MAP4K4: variants seen among roughly 807,000 people sequenced by gnomAD.
The protein encoded by MAP4K4 is mitogen-activated protein kinase kinase kinase kinase 4.
MAP4K4 carries 38 observed loss-of-function variants against 189.6 expected under a neutral mutation model. That is an observed-to-expected ratio of 0.20 (90% confidence interval 0.15 to 0.26). MAP4K4 has a LOEUF of 0.26. Ranked by LOEUF, MAP4K4 falls within the 10% of genes least tolerant of loss-of-function variation. MAP4K4 has a pLI of 1.00. For missense variants in MAP4K4, 1,054 were observed against 1,726.9 expected, an observed-to-expected ratio of 0.61 and a Z score of 6.91; for synonymous variants, 610 against 624.3, an observed-to-expected ratio of 0.98 and a Z score of 0.34.
intron 28 of MAP4K4, among the ~76,000 whole-genome samples, chr2:101,884,801 A>G (rs573172679): frequency 5.9e-5 from 9 of 152,240 alleles, no homozygotes; most frequent in Admixed American, 5.9e-4. Context: ...GACTAGGGAA[A>G]GTTGTAAGGA....
chr2:101,871,644 A>T, exon 24 of MAP4K4: 1 of 1,536,594 alleles, frequency 6.5e-7, no homozygotes, highest in Non-Finnish European at 8.7e-7. Flanking sequence ...GACACCCACC[A>T]TGTCCCCACA....
intron 3 of MAP4K4, among the ~76,000 whole-genome samples, chr2:101,819,266 C>T (rs2095897634): frequency 6.7e-6 from 1 of 150,094 alleles, no homozygotes; most frequent in African/African-American, 2.4e-5. Flanking sequence ...AACCACCAAA[C>T]ATATGTTTAA....
chr2:101,865,159 A>G (rs1226735220), intron 18 of MAP4K4, 123 bp downstream of exon 18: 1 of 608,732 alleles, frequency 1.6e-6, no homozygotes, highest in African/African-American at 1.9e-5. Context: ...ATCAGTTATA[A>G]AAGGAAAAGC....
chr2:101,723,723 A>G (rs941946728), intron 2 of MAP4K4, among the ~76,000 whole-genome samples: 2 of 152,164 alleles, frequency 1.3e-5, no homozygotes, highest in African/African-American at 4.8e-5. Flanking sequence ...TTTGTTTTCT[A>G]CACTTTGAGA....
At chr2:101,886,840 A>G (rs2098492341) in intron 29 of MAP4K4, among the ~76,000 whole-genome samples, 1 of 152,046 alleles carries the variant, frequency 6.6e-6, no homozygotes, top group African/African-American at 2.4e-5. Flanking sequence ...CCTGGCTAAC[A>G]TGGTGAAACC....
intron 2 of MAP4K4, among the ~76,000 whole-genome samples, chr2:101,762,347 A>C (rs1044128376): frequency 1.3e-5 from 2 of 152,170 alleles, no homozygotes; most frequent in Non-Finnish European, 2.9e-5. Flanking sequence ...CATGCCTGGC[A>C]TAGGTAGCCC....
At chr2:101,795,375 C>T (rs2093578761) in intron 3 of MAP4K4, among the ~76,000 whole-genome samples, 1 of 152,200 alleles carries the variant, frequency 6.6e-6, no homozygotes. Flanking sequence ...GAGTTTCCTA[C>T]CTACCCCTTC....
chr2:101,829,015 A>G (rs775381162), intron 5 of MAP4K4, among the ~76,000 whole-genome samples: 1 of 152,172 alleles, frequency 6.6e-6, no homozygotes, highest in Non-Finnish European at 1.5e-5. Flanking sequence ...TGGAGGTGGG[A>G]TTGATCAGCA....
At chr2:101,709,620 T>C (rs1029049722) in intron 2 of MAP4K4, among the ~76,000 whole-genome samples, 5 of 152,166 alleles carry the variant, frequency 3.3e-5, no homozygotes, top group Non-Finnish European at 7.3e-5. Context: ...TTTCCTTCTA[T>C]TTTTGGGAGG....
At chr2:101,759,337 G>C (rs966772903) in intron 2 of MAP4K4, among the ~76,000 whole-genome samples, 1 of 151,918 alleles carries the variant, frequency 6.6e-6, no homozygotes, top group Non-Finnish European at 1.5e-5. Flanking sequence ...CATCTCCTTG[G>C]CATTTCCTCT....
intron 2 of MAP4K4, among the ~76,000 whole-genome samples, chr2:101,724,914 A>G (rs1308040947): frequency 2.6e-5 from 4 of 152,168 alleles, no homozygotes; most frequent in African/African-American, 7.2e-5. Context: ...TTTTTACTCT[A>G]TGTTTTCTGT....
In MAP4K4 at chr2:101,778,723, G is replaced by A. The variant is rs79038020; in HGVS notation, c.124-11997G>A. On this transcript the variant is annotated intron_variant, in intron 2 of 32. Transcript: ENST00000324219. ...GGGACATACCAATCCCTGACTGCCC[G>A]GGTGCTTTTTACTCCTCAGGGTTTA... Among the ~76,000 whole-genome samples the A allele has an allele frequency of 4.8e-3, 737 of 152,208 alleles. 7 individuals carry two copies. The highest frequency in any genetic ancestry group is 0.017 in the African/African-American group (687 of 41,540).
chr2:101,779,241 G>C (rs76723348), intron 2 of MAP4K4, among the ~76,000 whole-genome samples: 8,900 of 152,084 alleles, frequency 0.059, 310 homozygotes, highest in African/African-American at 0.09. Context: ...AAAATAGAGG[G>C]AAGCATAAAG....
chr2:101,874,274 C>G (rs1446314822), intron 26 of MAP4K4, 22 bp downstream of exon 26: 1 of 1,588,490 alleles, frequency 6.3e-7, no homozygotes, highest in Admixed American at 1.8e-5. Context: ...GCCACTACTC[C>G]AACACTTTCA....
chr2:101,802,366 T>C (rs1397264297), intron 3 of MAP4K4, among the ~76,000 whole-genome samples: 2 of 152,230 alleles, frequency 1.3e-5, no homozygotes, highest in Non-Finnish European at 2.9e-5. Context: ...GAGTCTTTCA[T>C]AGGCTGCTTT....
At chr2:101,711,526 A>G (rs1175191902) in intron 2 of MAP4K4, among the ~76,000 whole-genome samples, 2 of 152,226 alleles carry the variant, frequency 1.3e-5, no homozygotes, top group South Asian at 2.1e-4. Flanking sequence ...AAGTGCTGGG[A>G]TTACAGGCGT....
chr2:101,859,610 C>T (rs1191147803), intron 14 of MAP4K4, 33 bp from the exon 15 acceptor site: 1 of 1,493,658 alleles, frequency 6.7e-7, no homozygotes, highest in Admixed American at 1.9e-5. Flanking sequence ...TCCAGTGTCC[C>T]ATAGATTTAG....
At chr2:101,700,272 G>A (rs1299774171) in intron 2 of MAP4K4, among the ~76,000 whole-genome samples, 1 of 152,208 alleles carries the variant, frequency 6.6e-6, no homozygotes, top group Non-Finnish European at 1.5e-5. Context: ...AGTTTAGTCA[G>A]GTTCATTGTT....
intron 32 of MAP4K4, among the ~76,000 whole-genome samples, chr2:101,890,616 C>G (rs1488057842): frequency 2.0e-5 from 3 of 151,374 alleles, no homozygotes; most frequent in Non-Finnish European, 4.4e-5. Context: ...CCACCATGCC[C>G]AGCTAATTTT....
Sources: allele counts gnomAD v4.1 joint callset (sites outside exome capture counted in the v4.1 genomes callset), GRCh38; gene constraint gnomAD v4.1.1; transcripts MANE v1.5; gene names NCBI Gene and HGNC (gene_info 2026-07-23, HGNC 2026-07-21).